SLC30A9: variants seen among roughly 807,000 people sequenced by gnomAD.
The protein encoded by SLC30A9 is proton-coupled zinc antiporter SLC30A9, mitochondrial.
Under a neutral mutation model 87.5 loss-of-function variants are expected in SLC30A9, and 58 were observed. That is an observed-to-expected ratio of 0.66 (90% confidence interval 0.54 to 0.82). The LOEUF is 0.82. SLC30A9 is among the 40% of genes least tolerant of loss of function. The pLI, the probability that SLC30A9 is intolerant of heterozygous loss-of-function variation, is 0.00. For synonymous variants in SLC30A9, 234 were observed against 233.0 expected, an observed-to-expected ratio of 1.00 and a Z score of -0.04; for missense variants, 557 against 679.1, an observed-to-expected ratio of 0.82 and a Z score of 2.00.
intron 8 of SLC30A9, among the ~76,000 whole-genome samples, chr4:42,040,270 G>GT (rs1716865164): frequency 6.6e-6 from 1 of 152,168 alleles, no homozygotes; most frequent in Admixed American, 6.5e-5. Flanking sequence ...CAGTAATACA[G>GT]GGATAGTGAT....
At chr4:42,041,199 G>A (rs529392385) in intron 8 of SLC30A9, among the ~76,000 whole-genome samples, 3 of 152,264 alleles carry the variant, frequency 2.0e-5, no homozygotes, top group South Asian at 4.1e-4. Context: ...AAAACATGTG[G>A]GAATTATAGG....
At chr4:42,022,470 C>T (rs1716009079) in intron 4 of SLC30A9, among the ~76,000 whole-genome samples, 2 of 152,024 alleles carry the variant, frequency 1.3e-5, no homozygotes, top group South Asian at 4.1e-4. Context: ...GACCACCCAC[C>T]TCGGCCTCTC....
rs116491652 is a variant in SLC30A9, at chr4:41,995,961, C to G, written c.109+5201C>G. Among the ~76,000 whole-genome samples, 831 of 152,114 alleles carry G rather than the reference C, an allele frequency of 5.5e-3. 9 individuals carry two copies. Among genetic ancestry groups the G allele is most frequent in the African/African-American group, 0.018 (766 of 41,470 alleles). On this transcript the variant is annotated intron_variant, in intron 1 of 17. Transcript: ENST00000264451. ...CTGAGCTCAAGCATTCCACCCATCTCGGCCTCCCAAAGTGCTGGGATTTTA... is the reference window on the plus strand; with the variant it reads ...CTGAGCTCAAGCATTCCACCCATCTGGGCCTCCCAAAGTGCTGGGATTTTA...
intron 15 of SLC30A9, among the ~76,000 whole-genome samples, chr4:42,073,050 A>C (rs956657496): frequency 3.3e-5 from 5 of 150,174 alleles, no homozygotes; most frequent in Non-Finnish European, 5.9e-5. Context: ...CAAACTCCTG[A>C]GAGACGAGGT....
chr4:41,994,025 C>T (rs1042160533), intron 1 of SLC30A9, among the ~76,000 whole-genome samples: 39 of 152,014 alleles, frequency 2.6e-4, no homozygotes, highest in African/African-American at 9.4e-4. Context: ...GGCATGGTGG[C>T]GGGCGCCTGT....
chr4:42,073,188 C>T (rs906655277), intron 15 of SLC30A9, among the ~76,000 whole-genome samples: 1 of 152,150 alleles, frequency 6.6e-6, no homozygotes, highest in African/African-American at 2.4e-5. Flanking sequence ...CTGAAAGTAT[C>T]GAAGTCTCTA....
At chr4:42,040,039 G>T (rs1013303305) in intron 8 of SLC30A9, among the ~76,000 whole-genome samples, 7 of 152,154 alleles carry the variant, frequency 4.6e-5, no homozygotes, top group Non-Finnish European at 7.3e-5. Context: ...TACAATAGTG[G>T]TGGTACAGAT....
chr4:42,085,517 A>G (rs1718894124), intron 17 of SLC30A9, among the ~76,000 whole-genome samples: 1 of 152,234 alleles, frequency 6.6e-6, no homozygotes, highest in Non-Finnish European at 1.5e-5. Flanking sequence ...AGTACTTGAT[A>G]CATGAGTGAG....
intron 6 of SLC30A9, chr4:42,030,203 G>T: frequency 2.5e-6 from 1 of 407,668 alleles, no homozygotes; most frequent in Non-Finnish European, 4.0e-6. Flanking sequence ...TGAACAAACT[G>T]TCATATGTAT....
chr4:42,023,448 G>T, intron 6 of SLC30A9, 64 bp downstream of exon 6: 1 of 1,053,558 alleles, frequency 9.5e-7, no homozygotes, highest in Non-Finnish European at 1.5e-6. Context: ...AACTGTATCT[G>T]TAAGAACTCT....
At chr4:42,029,195 G>C in intron 6 of SLC30A9, 1 of 388,968 alleles carries the variant, frequency 2.6e-6, no homozygotes, top group South Asian at 2.1e-5. Context: ...GGCAGCTGCT[G>C]ACCCGCTGTT....
intron 15 of SLC30A9, 108 bp downstream of exon 15, chr4:42,070,799 A>C (rs1718284069): frequency 1.2e-6 from 1 of 803,576 alleles, no homozygotes; most frequent in Admixed American, 2.9e-5. Context: ...CCTCGTCTTC[A>C]GAACGTTTTA....
At position 42,088,491 on chromosome 4, in the gene SLC30A9, C is replaced by T. The variant is rs1719000086; in HGVS notation, c.*2365C>T. On this transcript the variant is annotated 3_prime_UTR_variant, in exon 18 of 18. Coordinates refer to ENST00000264451, the MANE Select transcript of SLC30A9 (RefSeq NM_006345.4). ...ATCAAAAAAAGAGCTTTAATTGGCT[C>T]ATGGTTCTGCAGACTGAACAGGAAA... 6.6e-6 allele frequency: 1 copy of T among 152,192 alleles called. No individual in the cohort carries two copies. Among genetic ancestry groups the T allele is most frequent in the African/African-American group, 2.4e-5 (1 of 41,440 alleles). 9.4% of individuals were successfully genotyped at this position (152,192 alleles called of 1,614,324 possible). A position where few individuals can be genotyped will look rare whatever the true frequency, so the allele number is the denominator to read the frequency against.
chr4:42,038,143 T>C (rs1470323381), intron 7 of SLC30A9, among the ~76,000 whole-genome samples: 2 of 152,154 alleles, frequency 1.3e-5, no homozygotes, highest in East Asian at 3.8e-4. Context: ...CTCCTTGTGA[T>C]CTCTTGTTTT....
At chr4:42,012,758 AACCC>A (rs1715504930) in intron 2 of SLC30A9, among the ~76,000 whole-genome samples, 5 of 152,118 alleles carry the variant, frequency 3.3e-5, no homozygotes, top group African/African-American at 1.2e-4. Context: ...TTTACTAAAC[AACCC>A]CTCCACATTA....
Position 42,063,065 on chromosome 4 carries a change from T to C in SLC30A9, c.976T>C (p.Trp326Arg). The C allele has an allele frequency of 6.2e-7, 1 of 1,613,632 alleles. No individual in the cohort carries two copies. Among genetic ancestry groups the C allele is most frequent in the Non-Finnish European group, 8.5e-7 (1 of 1,179,564 alleles). The change falls in exon 11 of 18, where the codon TGG (tryptophan) becomes CGG (arginine). Residue 326 changes from tryptophan (W) to arginine (R), a missense_variant. By Grantham distance (101) the Trp-to-Arg change is moderately radical. Coordinates refer to ENST00000264451, the MANE Select transcript of SLC30A9 (RefSeq NM_006345.4). ...TTTCATGATGGGTGCAGGACTATCT[T>C]GGTACCATGGAGTCATGGGATTGCT... ...GIFMMGAGLS[W>R]YHGVMGLLHP...
chr4:41,994,635 C>T (rs912411617), intron 1 of SLC30A9, among the ~76,000 whole-genome samples: 55 of 150,106 alleles, frequency 3.7e-4, no homozygotes, highest in African/African-American at 1.0e-3. Context: ...CAGCAGAGGT[C>T]CCTCCTCCTC....
chr4:42,029,086 A>G (rs1716309128), intron 6 of SLC30A9: 2 of 244,190 alleles, frequency 8.2e-6, no homozygotes, highest in Non-Finnish European at 1.7e-5. Flanking sequence ...CCGCAGTGGC[A>G]GTGGTGTGTC....
At chr4:42,075,931 T>G in intron 16 of SLC30A9, 145 bp downstream of exon 16, 1 of 695,552 alleles carries the variant, frequency 1.4e-6, no homozygotes, top group Non-Finnish European at 2.4e-6. Context: ...GACCTTTATA[T>G]TTACTATGGA....
Sources: allele counts gnomAD v4.1 joint callset (sites outside exome capture counted in the v4.1 genomes callset), GRCh38; gene constraint gnomAD v4.1.1; transcripts MANE v1.5; gene names NCBI Gene and HGNC (gene_info 2026-07-23, HGNC 2026-07-21).